The following MOB3B variants were observed in gnomAD, a reference collection of about 807,000 sequenced individuals.
MOB3B encodes MOB kinase activator-like 2B.
In MOB3B, 7 loss-of-function variants were observed where a neutral mutation model predicts 18.7. The ratio of observed to expected loss-of-function variants is 0.37; its 90% CI spans 0.21 to 0.70. The LOEUF is 0.70. MOB3B is among the 30% of genes least tolerant of loss of function. The pLI is 0.52. For synonymous variants in MOB3B, 111 were observed against 99.9 expected (o/e 1.11, Z -0.66); for missense variants, 253 against 281.3 (o/e 0.90, Z 0.72).
chr9:27,391,021 C>G (rs1267216871), intron 2 of MOB3B, among the ~76,000 whole-genome samples: 1 of 152,174 alleles, frequency 6.6e-6, no homozygotes, highest in Non-Finnish European at 1.5e-5. Flanking sequence ...GTTACTCAGT[C>G]TACAGCATTT....
At chr9:27,342,153 G>A (rs113507498) in intron 3 of MOB3B, among the ~76,000 whole-genome samples, 4,894 of 152,234 alleles carry the variant, frequency 0.032, 112 homozygotes, top group Non-Finnish European at 0.05. Flanking sequence ...CATTTAGCAT[G>A]GGGGTCTTTT....
rs555578519 is a variant in MOB3B, at chr9:27,342,058, A to G, written c.622-11442T>C. On this transcript the variant is annotated intron_variant, in intron 3 of 3. Transcript: ENST00000262244. ...CATGTCCATAAACAAGTTTTATTGG[A>G]GTAAGCCACACCCATTTATGGATGA... Among the ~76,000 whole-genome samples the G allele has an allele frequency of 3.3e-5, 5 of 152,306 alleles. No individual in the cohort carries two copies. The East Asian group carries it at 7.7e-4, about 24-fold the overall frequency.
rs185286953 is a variant in MOB3B at position 27,481,842 on chromosome 9, A to G, written c.-198-26094T>C. On this transcript the variant is annotated intron_variant, in intron 1 of 3. Coordinates refer to ENST00000262244, the MANE Select transcript of MOB3B (RefSeq NM_024761.5). ...GCCCAGCCTAAGGAAGGTAGTTCTTACAGATCGTTGCCATGTGGGAATACA... is the reference window on the plus strand; with the variant it reads ...GCCCAGCCTAAGGAAGGTAGTTCTTGCAGATCGTTGCCATGTGGGAATACA... Among the ~76,000 whole-genome samples the G allele has an allele frequency of 4.6e-5, 7 of 152,286 alleles. 1 individual carries two copies. Among genetic ancestry groups the G allele is most frequent in the Admixed American group, 4.6e-4 (7 of 15,302 alleles).
chr9:27,385,187 C>T (rs1187069706), intron 2 of MOB3B, among the ~76,000 whole-genome samples: 25 of 152,166 alleles, frequency 1.6e-4, no homozygotes, highest in Admixed American at 1.6e-3. Flanking sequence ...TGCGGAATTT[C>T]CTCTGTAGGG....
At chr9:27,474,478 T>C (rs984315210) in intron 1 of MOB3B, among the ~76,000 whole-genome samples, 1 of 152,224 alleles carries the variant, frequency 6.6e-6, no homozygotes, top group East Asian at 1.9e-4. Flanking sequence ...ACCTTACCCA[T>C]GTCAGCACAC....
intron 2 of MOB3B, among the ~76,000 whole-genome samples, chr9:27,452,242 G>A (rs1316679): frequency 0.13 from 19,171 of 152,090 alleles, 1,290 homozygotes; most frequent in African/African-American, 0.17. Flanking sequence ...CCAATAACTT[G>A]AAAGTTACCA....
At chr9:27,472,449 A>T (rs753205641) in intron 1 of MOB3B, among the ~76,000 whole-genome samples, 23 of 152,148 alleles carry the variant, frequency 1.5e-4, no homozygotes, top group Middle Eastern at 3.2e-3. Flanking sequence ...CTGACAGTAC[A>T]GGAAGCCACA....
intron 1 of MOB3B, among the ~76,000 whole-genome samples, chr9:27,487,583 T>C (rs1819748980): frequency 6.6e-6 from 1 of 152,056 alleles, no homozygotes; most frequent in Admixed American, 6.6e-5. Flanking sequence ...TGCTGCCTGA[T>C]GTACCACGAG....
chr9:27,382,764 T>C (rs1388386170), intron 2 of MOB3B, among the ~76,000 whole-genome samples: 2 of 151,814 alleles, frequency 1.3e-5, no homozygotes, highest in Non-Finnish European at 2.9e-5. Context: ...TGCTATGTTA[T>C]TCACTGCAGA....
chr9:27,511,121 T>C lies in MOB3B; in HGVS notation c.-199+18434A>G, dbSNP rs537311281. ...CCCAAGTGTGTTTAACTCATTTTTG[T>C]CAGAAGCCAGGAATCTTTAAAAGTC... On this transcript the variant is annotated intron_variant, in intron 1 of 3. Transcript: ENST00000262244. 2.0e-5 allele frequency among the ~76,000 whole-genome samples: 3 copies of C among 152,068 alleles called. No individual in the cohort carries two copies. In the East Asian group the frequency reaches 5.8e-4, roughly 29 times the overall value.
intron 1 of MOB3B, among the ~76,000 whole-genome samples, chr9:27,467,910 T>C (rs759533360): frequency 5.3e-5 from 8 of 152,248 alleles, no homozygotes; most frequent in Non-Finnish European, 8.8e-5. Context: ...GTTTTTGTTG[T>C]TGTATTGTTA....
At chr9:27,399,229 G>C (rs893969107) in intron 2 of MOB3B, among the ~76,000 whole-genome samples, 2 of 152,122 alleles carry the variant, frequency 1.3e-5, no homozygotes, top group African/African-American at 4.8e-5. Flanking sequence ...AAAGAGGCAG[G>C]TGCCTTATCC....
chr9:27,518,451 C>T (rs1012945843), intron 1 of MOB3B, among the ~76,000 whole-genome samples: 3 of 152,158 alleles, frequency 2.0e-5, no homozygotes, highest in African/African-American at 7.2e-5. Context: ...CTCAAAAGGA[C>T]CCAGGGAAAT....
At chr9:27,481,666 C>T (rs569639056) in intron 1 of MOB3B, among the ~76,000 whole-genome samples, 1 of 152,000 alleles carries the variant, frequency 6.6e-6, no homozygotes, top group Non-Finnish European at 1.5e-5. Flanking sequence ...GCTGGGACTA[C>T]AGGCGCCCGC....
rs1287925819 is a variant in MOB3B, at chr9:27,524,857, A to G, written c.-199+4698T>C. ...TTCCACAGGATAGACAATTTCCTGA[A>G]AGAAAAGAAATACAGTGACTGTGCC... is the stretch of plus-strand genomic sequence containing the variant. On this transcript the variant is annotated intron_variant, in intron 1 of 3. Coordinates refer to ENST00000262244, the MANE Select transcript of MOB3B (RefSeq NM_024761.5). 3.1e-6 allele frequency: 5 copies of G among 1,614,140 alleles called. No homozygotes were observed. In the Admixed American group the frequency reaches 6.7e-5, roughly 22 times the overall value.
intron 2 of MOB3B, among the ~76,000 whole-genome samples, chr9:27,450,168 G>C (rs944403): frequency 6.6e-6 from 1 of 152,066 alleles, no homozygotes; most frequent in African/African-American, 2.4e-5. Flanking sequence ...CCAAAGGGAT[G>C]CAACTATTTC....
intron 1 of MOB3B, among the ~76,000 whole-genome samples, chr9:27,488,697 T>G (rs983445664): frequency 6.6e-6 from 1 of 152,176 alleles, no homozygotes; most frequent in Non-Finnish European, 1.5e-5. Flanking sequence ...TGTGAGCCAC[T>G]GCGCCCTGCC....
rs138822411 is a variant in MOB3B at position 27,345,527 on chromosome 9, C to T, written c.621+13507G>A. On this transcript the variant is annotated intron_variant, in intron 3 of 3. Coordinates refer to ENST00000262244, the MANE Select transcript of MOB3B (RefSeq NM_024761.5). ...TTTGGAAGCACTGGGCCTCTATGCCCGCCCTGAAACTATTAGTTGAGTTGC... is the reference window on the plus strand; with the variant it reads ...TTTGGAAGCACTGGGCCTCTATGCCTGCCCTGAAACTATTAGTTGAGTTGC... 3.0e-3 allele frequency among the ~76,000 whole-genome samples: 450 copies of T among 152,248 alleles called. 2 individuals carry two copies. Among genetic ancestry groups the T allele is most frequent in the African/African-American group, 0.01 (430 of 41,538 alleles).
At chr9:27,495,306 G>A (rs1236096444) in intron 1 of MOB3B, among the ~76,000 whole-genome samples, 1 of 151,886 alleles carries the variant, frequency 6.6e-6, no homozygotes, top group Non-Finnish European at 1.5e-5. Context: ...ACTCCAGCCT[G>A]GTGACAGAGT....
Sources: allele counts gnomAD v4.1 joint callset (sites outside exome capture counted in the v4.1 genomes callset), GRCh38; gene constraint gnomAD v4.1.1; transcripts MANE v1.5; gene names NCBI Gene and HGNC (gene_info 2026-07-23, HGNC 2026-07-21).